Variants in PPARGC1B observed in about 807,000 individuals in gnomAD.
PPARGC1B encodes the protein PPARG coactivator 1 beta, also known as peroxisome proliferator-activated receptor gamma coactivator 1-beta.
A neutral mutation model predicts 101.6 loss-of-function variants in PPARGC1B; 34 were observed. The ratio of observed to expected loss-of-function variants is 0.33; its 90% CI spans 0.25 to 0.45. The LOEUF is 0.45. Among genes scored for constraint, PPARGC1B ranks in the 20% least tolerant of loss-of-function variants. PPARGC1B has a pLI of 1.00. For missense variants in PPARGC1B, 1,234 were observed against 1,317.6 expected (o/e 0.94, Z 0.98); for synonymous variants, 548 against 539.3 (o/e 1.02, Z -0.22).
intron 1 of PPARGC1B, among the ~76,000 whole-genome samples, chr5:149,755,911 T>G (rs1755504027): frequency 6.6e-6 from 1 of 152,166 alleles, no homozygotes; most frequent in Middle Eastern, 3.2e-3. Context: ...CCCAAAGTGC[T>G]GGGATTACAG....
intron 1 of PPARGC1B, among the ~76,000 whole-genome samples, chr5:149,737,183 T>G: frequency 6.6e-6 from 1 of 152,196 alleles, no homozygotes; most frequent in Admixed American, 6.5e-5. Context: ...TCAGATTGGC[T>G]TTTTTTTCAC....
intron 1 of PPARGC1B, among the ~76,000 whole-genome samples, chr5:149,803,952 G>A (rs1204819662): frequency 6.6e-6 from 1 of 152,208 alleles, no homozygotes; most frequent in Non-Finnish European, 1.5e-5. Flanking sequence ...GGCCCTCACT[G>A]ACCACATGAC....
rs1268188879 is a variant in PPARGC1B at position 149,853,617 on chromosome 5, G to T, written c.*6059G>T. The T allele has an allele frequency of 6.6e-6, 1 of 152,240 alleles. No individual in the cohort carries two copies. The allele number at this position is 152,240 out of a possible 1,614,324, so 9.4% of individuals were successfully genotyped here. On this transcript the variant is annotated 3_prime_UTR_variant, in exon 12 of 12. Coordinates refer to ENST00000309241, the MANE Select transcript of PPARGC1B (RefSeq NM_133263.4). This position sits in a 1 kb window ranked among gnomAD's most constrained non-coding sequence, Gnocchi z 4.2. ...GGGGCCTGGCCATGATCTTTGATAT[G>T]ATCCCCGAATAGCCAAATAGTTTTT...
At chr5:149,834,542 GA>G in intron 5 of PPARGC1B, 131 bp from the exon 6 acceptor site, 2 of 701,580 alleles carry the variant, frequency 2.9e-6, no homozygotes. Flanking sequence ...AAAAGTGGCA[GA>G]GGTGTTTGGT....
chr5:149,765,769 G>A (rs867695590), intron 1 of PPARGC1B, among the ~76,000 whole-genome samples: 4 of 151,764 alleles, frequency 2.6e-5, no homozygotes, highest in South Asian at 4.2e-4. Context: ...GCTGAGGCAG[G>A]AGAATGGCGT....
At chr5:149,738,464 G>A (rs2113077460) in intron 1 of PPARGC1B, among the ~76,000 whole-genome samples, 1 of 152,322 alleles carries the variant, frequency 6.6e-6, no homozygotes. Context: ...TTCAGTCTGA[G>A]TGTTCCTGAG....
intron 3 of PPARGC1B, among the ~76,000 whole-genome samples, chr5:149,827,894 C>T (rs1427142145): frequency 6.6e-6 from 1 of 152,212 alleles, no homozygotes; most frequent in African/African-American, 2.4e-5. Context: ...TCTAGCTTTG[C>T]TCAGCCTGTC....
intron 10 of PPARGC1B, among the ~76,000 whole-genome samples, chr5:149,844,069 AC>A (rs768978177): frequency 6.6e-6 from 1 of 152,244 alleles, no homozygotes; most frequent in African/African-American, 2.4e-5. Flanking sequence ...GCTTCGTTGC[AC>A]AGCAATATGA....
At chr5:149,759,497 A>G (rs1755646697) in intron 1 of PPARGC1B, among the ~76,000 whole-genome samples, 1 of 152,166 alleles carries the variant, frequency 6.6e-6, no homozygotes, top group Non-Finnish European at 1.5e-5. Flanking sequence ...CAGGAGAGGT[A>G]CTACCATTTC....
chr5:149,798,839 T>G (rs1429955668), intron 1 of PPARGC1B, among the ~76,000 whole-genome samples: 1 of 152,098 alleles, frequency 6.6e-6, no homozygotes, highest in Non-Finnish European at 1.5e-5. Context: ...TGTTGGACAG[T>G]ATAAACAAGA....
In PPARGC1B at chr5:149,751,130, TG is replaced by T. The variant is rs1755287288; in HGVS notation, c.78+20712del. ...GTTGTTTTGTTTAGCAAATGTAATA[TG>T]GATTTTTTGAAAATTAATATTTAAA... is the stretch of plus-strand genomic sequence containing the variant. On this transcript the variant is annotated intron_variant, in intron 1 of 11. Transcript: ENST00000309241. Among the ~76,000 whole-genome samples, 4 of 152,354 alleles carry T rather than the reference TG, an allele frequency of 2.6e-5. No individual in the cohort carries two copies. The East Asian group carries it at 7.7e-4, about 29-fold the overall frequency.
At chr5:149,785,973 G>T (rs374188418) in intron 1 of PPARGC1B, among the ~76,000 whole-genome samples, 1 of 150,520 alleles carries the variant, frequency 6.6e-6, no homozygotes, top group Non-Finnish European at 1.5e-5. Flanking sequence ...CCAGGCTAGA[G>T]TACAGTGGTG....
chr5:149,757,632 A>G (rs1223468710), intron 1 of PPARGC1B, among the ~76,000 whole-genome samples: 1 of 152,184 alleles, frequency 6.6e-6, no homozygotes, highest in Non-Finnish European at 1.5e-5. Context: ...GCCACCATCG[A>G]CACAAAGTCA....
At chr5:149,773,328 C>T (rs923113179) in intron 1 of PPARGC1B, among the ~76,000 whole-genome samples, 2 of 152,268 alleles carry the variant, frequency 1.3e-5, no homozygotes, top group African/African-American at 4.8e-5. Flanking sequence ...TGCATGACCC[C>T]GGCCTCCTGC....
intron 1 of PPARGC1B, among the ~76,000 whole-genome samples, chr5:149,764,940 CA>C (rs1179647260): frequency 6.6e-6 from 1 of 152,202 alleles, no homozygotes; most frequent in Non-Finnish European, 1.5e-5. Flanking sequence ...GAGTAGTACC[CA>C]AACACACATG....
At chr5:149,750,796 G>A (rs1266090648) in intron 1 of PPARGC1B, among the ~76,000 whole-genome samples, 1 of 152,222 alleles carries the variant, frequency 6.6e-6, no homozygotes, top group African/African-American at 2.4e-5. Flanking sequence ...TTGCAGCCGG[G>A]TGCATTAGGT....
intron 1 of PPARGC1B, among the ~76,000 whole-genome samples, chr5:149,783,913 A>G (rs1449800436): frequency 6.6e-6 from 1 of 152,058 alleles, no homozygotes; most frequent in Non-Finnish European, 1.5e-5. Context: ...GGCAGTAACC[A>G]TGTTTATACC....
chr5:149,841,887 G>A (rs1759352756), intron 9 of PPARGC1B, among the ~76,000 whole-genome samples: 1 of 152,014 alleles, frequency 6.6e-6, no homozygotes, highest in South Asian at 2.1e-4. Flanking sequence ...CAATCAACCT[G>A]CCTCCTGTGC....
chr5:149,836,659 C>T lies in PPARGC1B; in HGVS notation c.2204C>T (p.Pro735Leu), dbSNP rs535753623. The change falls in exon 8 of 12, where the codon CCT becomes CTT. Residue 735 changes from proline to leucine, a missense_variant. Pro to Leu is a moderately conservative substitution (Grantham distance 98, BLOSUM62 -3). Coordinates refer to ENST00000309241, the MANE Select transcript of PPARGC1B (RefSeq NM_133263.4). ...GCCCCTTGGGCTGAGGCACAGGCCC[C>T]TGGCAGGGAGGAAGACAGAAGCTGT... The part of the protein sequence containing the change: ...QGAPWAEAQA[P>L]GREEDRSCDA... The T allele has an allele frequency of 8.2e-5, 132 of 1,613,836 alleles. 1 individual carries two copies. The South Asian group carries it at 1.4e-3, about 17-fold the overall frequency.
Sources: gnomAD v4.1 joint callset for allele counts (sites outside exome capture counted in the v4.1 genomes callset) on GRCh38, gnomAD v4.1.1 for gene constraint, Gnocchi (gnomAD v3.1) non-coding constraint, MANE v1.5 for transcripts, NCBI Gene and HGNC (gene_info 2026-07-23, HGNC 2026-07-21) for gene names.